PTPRM: variants seen among roughly 807,000 people sequenced by gnomAD.
PTPRM encodes protein tyrosine phosphatase receptor type M.
A neutral mutation model predicts 186.7 loss-of-function variants in PTPRM; 47 were observed. That is an observed-to-expected ratio of 0.25 (90% confidence interval 0.20 to 0.32). The LOEUF (loss-of-function observed/expected upper bound fraction) is 0.32. PTPRM is among the 10% of genes least tolerant of loss of function. PTPRM has a pLI of 1.00. For synonymous variants in PTPRM, 668 were observed against 674.9 expected (o/e 0.99, Z 0.16); for missense variants, 1,494 against 1,865.0 (o/e 0.80, Z 3.66).
intron 1 of PTPRM, among the ~76,000 whole-genome samples, chr18:7,681,578 G>A (rs1352455642): frequency 6.6e-6 from 1 of 150,424 alleles, no homozygotes; most frequent in East Asian, 1.9e-4. Flanking sequence ...AGAGGTGTTA[G>A]ATTCCTTAAA....
chr18:8,258,921 A>G (rs1340716387), intron 19 of PTPRM, among the ~76,000 whole-genome samples: 1 of 151,656 alleles, frequency 6.6e-6, no homozygotes, highest in Non-Finnish European at 1.5e-5. Flanking sequence ...TAAGAAAAGC[A>G]TTATCTTTAT....
At chr18:8,052,804 G>A (rs1395540627) in intron 7 of PTPRM, among the ~76,000 whole-genome samples, 1 of 152,186 alleles carries the variant, frequency 6.6e-6, no homozygotes, top group East Asian at 1.9e-4. Flanking sequence ...CATTAATGAT[G>A]TATAACACAT....
At chr18:8,287,787 A>G (rs1397527499) in intron 19 of PTPRM, among the ~76,000 whole-genome samples, 6 of 152,190 alleles carry the variant, frequency 3.9e-5, no homozygotes. Context: ...TGTCTCTCTG[A>G]AATTTGGGGT....
At position 8,274,122 on chromosome 18, in the gene PTPRM, G is replaced by A. The variant is rs78995275; in HGVS notation, c.2754+20708G>A. 3.9e-4 allele frequency among the ~76,000 whole-genome samples: 59 copies of A among 152,218 alleles called. No homozygotes were observed. The East Asian group carries it at 0.011, about 29-fold the overall frequency. ...CTGTCATGCTGTTTCGTGCTTTGTT[G>A]GTGGGGACTAAATCTTGTATAGAGT... is the stretch of plus-strand genomic sequence containing the variant. On this transcript the variant is annotated intron_variant, in intron 19 of 32. Transcript: ENST00000580170.
intron 7 of PTPRM, among the ~76,000 whole-genome samples, chr18:7,978,460 T>C (rs890678045): frequency 6.6e-6 from 1 of 152,202 alleles, no homozygotes; most frequent in African/African-American, 2.4e-5. Flanking sequence ...GACCACTAAA[T>C]GGACTCAATT....
chr18:8,322,428 T>C (rs1247798653), intron 22 of PTPRM, among the ~76,000 whole-genome samples: 1 of 152,228 alleles, frequency 6.6e-6, no homozygotes, highest in African/African-American at 2.4e-5. Context: ...TTGGTTTAAT[T>C]GTCTTCTGTC....
intron 14 of PTPRM, among the ~76,000 whole-genome samples, chr18:8,208,307 A>G (rs188640855): frequency 2.6e-5 from 4 of 152,342 alleles, no homozygotes; most frequent in African/African-American, 9.6e-5. Flanking sequence ...CAAATTCCAC[A>G]TGAGCAGCTG....
chr18:8,219,972 A>G (rs1045268183), intron 14 of PTPRM, among the ~76,000 whole-genome samples: 1 of 152,148 alleles, frequency 6.6e-6, no homozygotes, highest in African/African-American at 2.4e-5. Context: ...CCTAAACTCC[A>G]AAAGGGGGCG....
chr18:8,104,162 A>G (rs1454738167), intron 11 of PTPRM, among the ~76,000 whole-genome samples: 3 of 152,230 alleles, frequency 2.0e-5, no homozygotes, highest in South Asian at 4.1e-4. Flanking sequence ...ATGCTGTAAG[A>G]TAAATGGCAC....
intron 1 of PTPRM, among the ~76,000 whole-genome samples, chr18:7,605,181 T>TA (rs11373997): frequency 0.17 from 26,094 of 152,022 alleles, 3,467 homozygotes; most frequent in East Asian, 0.59. Context: ...CTGATGAGCT[T>TA]AAAAAAATCA....
At chr18:7,793,121 G>A (rs892080578) in intron 2 of PTPRM, among the ~76,000 whole-genome samples, 12 of 152,158 alleles carry the variant, frequency 7.9e-5, no homozygotes, top group Non-Finnish European at 1.5e-4. Flanking sequence ...CCAGAACACA[G>A]TTTGATGGCA....
chr18:7,898,489 G>A (rs548569594), intron 3 of PTPRM, among the ~76,000 whole-genome samples: 1 of 152,148 alleles, frequency 6.6e-6, no homozygotes, highest in Non-Finnish European at 1.5e-5. Context: ...TCTCCTGTTT[G>A]GCAGACATCT....
chr18:8,190,698 A>G (rs1160670549), intron 14 of PTPRM, among the ~76,000 whole-genome samples: 5 of 152,268 alleles, frequency 3.3e-5, no homozygotes, highest in Admixed American at 3.3e-4. Context: ...TAGATAAGTT[A>G]GATTTCAAAT....
At chr18:7,768,807 T>G (rs2144862336) in intron 1 of PTPRM, among the ~76,000 whole-genome samples, 1 of 152,034 alleles carries the variant, frequency 6.6e-6, no homozygotes, top group South Asian at 2.1e-4. Context: ...CCACCACACC[T>G]GGCTAATTTT....
chr18:7,700,047 T>C (rs1206892553), intron 1 of PTPRM, among the ~76,000 whole-genome samples: 1 of 152,206 alleles, frequency 6.6e-6, no homozygotes, highest in African/African-American at 2.4e-5. Context: ...TGAGGACTTC[T>C]AGAAGTTTGT....
chr18:8,054,622 A>G (rs2087780811), intron 7 of PTPRM, among the ~76,000 whole-genome samples: 1 of 151,900 alleles, frequency 6.6e-6, no homozygotes, highest in Non-Finnish European at 1.5e-5. Flanking sequence ...AACTCTGAGC[A>G]TTGCCCTACC....
chr18:8,115,573 A>G (rs2091924880), intron 13 of PTPRM, among the ~76,000 whole-genome samples: 1 of 152,232 alleles, frequency 6.6e-6, no homozygotes, highest in African/African-American at 2.4e-5. Context: ...ATGAGGCAAT[A>G]TAAATTAACA....
At chr18:7,906,859 G>A (rs893993164) in intron 4 of PTPRM, among the ~76,000 whole-genome samples, 33 of 152,156 alleles carry the variant, frequency 2.2e-4, no homozygotes, top group Non-Finnish European at 1.0e-4. Flanking sequence ...CTGTTTATTT[G>A]TTGCCGTGGT....
intron 7 of PTPRM, among the ~76,000 whole-genome samples, chr18:7,964,636 A>G (rs1330570146): frequency 1.3e-5 from 2 of 152,214 alleles, no homozygotes; most frequent in Non-Finnish European, 2.9e-5. Context: ...TTGTTACCAC[A>G]AGGGAAACAC....
Sources: gnomAD v4.1 joint callset for allele counts (sites outside exome capture counted in the v4.1 genomes callset) on GRCh38, gnomAD v4.1.1 for gene constraint, MANE v1.5 for transcripts, NCBI Gene and HGNC (gene_info 2026-07-23, HGNC 2026-07-21) for gene names.